USF2: variants seen among roughly 807,000 people sequenced by gnomAD.
The protein encoded by USF2 is upstream stimulatory factor 2.
Under a neutral mutation model 46.9 loss-of-function variants are expected in USF2, and 16 were observed. The ratio of observed to expected loss-of-function variants is 0.34; its 90% confidence interval spans 0.23 to 0.52. The LOEUF (loss-of-function observed/expected upper bound fraction) is 0.52, where lower values mean the gene tolerates loss of function less well. Among genes scored for constraint, USF2 ranks in the 20% least tolerant of loss-of-function variants. USF2 has a pLI of 0.96. For synonymous variants in USF2, 239 were observed against 194.1 expected (o/e 1.23, Z -1.92); for missense variants, 411 against 474.0 (o/e 0.87, Z 1.23).
intron 4 of USF2, 170 bp downstream of exon 4, chr19:35,270,173 A>G (rs1242354049): frequency 2.1e-6 from 2 of 973,884 alleles, no homozygotes; most frequent in Admixed American, 3.3e-5. Flanking sequence ...ACCTGGGGAC[A>G]GTGCTCTTGG....
chr19:35,270,614 A>C lies in USF2; in HGVS notation c.580+17A>C. On this transcript the variant is annotated intron_variant, in intron 5 of 9. Coordinates refer to ENST00000222305, the MANE Select transcript of USF2 (RefSeq NM_003367.4). ...AGGCTGGAGGTGAGGAGTAGAAGTC[A>C]GATTGGCAGGTGGGGGAGGCAACGG... is the stretch of plus-strand genomic sequence containing the variant. 1 of 1,612,398 alleles carries C rather than the reference A, an allele frequency of 6.2e-7. No individual in the cohort carries two copies. The highest frequency in any genetic ancestry group is 1.7e-5 in the Admixed American group (1 of 59,992).
Position 35,278,986 on chromosome 19 carries a change from G to A in USF2, c.863G>A (p.Arg288Gln), listed in dbSNP as rs753231177. 2.6e-6 allele frequency: 4 copies of A among 1,558,582 alleles called. No homozygotes were observed. Among genetic ancestry groups the A allele is most frequent in the Non-Finnish European group, 3.5e-6 (4 of 1,151,268 alleles). The change falls in exon 9 of 10, where the codon CGG (arginine) becomes CAG (glutamine). Residue 288 changes from arginine (R) to glutamine (Q), a missense_variant. Transcript: ENST00000222305. ...CTGTCCAAGGCCTGCGATTACATCCGGGAGTTGCGCCAGACCAACCAGCGC... is the reference window on the plus strand; with the variant it reads ...CTGTCCAAGGCCTGCGATTACATCCAGGAGTTGCGCCAGACCAACCAGCGC... ...GILSKACDYIRELRQTNQRMQ... is the reference protein window; with the variant it reads ...GILSKACDYIQELRQTNQRMQ...
At position 35,269,701 on chromosome 19, in the gene USF2, TG is replaced by T; in HGVS notation, c.228+3del. On this transcript the variant is annotated splice_donor_region_variant and intron_variant, in intron 3 of 9. Coordinates refer to ENST00000222305, the MANE Select transcript of USF2 (RefSeq NM_003367.4). The stretch of plus-strand genomic sequence containing the variant: ...CGCACAGAGACAAATGGAGGACAGG[TG>T]AGCGGCGGGCCGCGAGGGCGAACGG... The T allele has an allele frequency of 1.5e-6, 1 of 678,618 alleles. No homozygotes were observed. Among genetic ancestry groups the T allele is most frequent in the Non-Finnish European group, 1.9e-6 (1 of 513,502 alleles). 42.0% of individuals were successfully genotyped at this position (678,618 alleles called of 1,614,324 possible).
At chr19:35,278,479 A>T (rs769659005) in intron 7 of USF2, 1 of 528,520 alleles carries the variant, frequency 1.9e-6, no homozygotes, top group Non-Finnish European at 3.4e-6. Context: ...TCCTAAAAGC[A>T]TGTGTGGCAC....
At chr19:35,270,974 C>A in intron 6 of USF2, 109 bp from the exon 7 acceptor site, 1 of 1,495,692 alleles carries the variant, frequency 6.7e-7, no homozygotes. Flanking sequence ...TTTGTTTTTG[C>A]AGATGGATTT....
At position 35,271,284 on chromosome 19, in the gene USF2, G is replaced by A. The variant is rs1320204777; in HGVS notation, c.727+143G>A. 8.7e-6 allele frequency: 8 copies of A among 917,128 alleles called. No individual in the cohort carries two copies. In the Admixed American group the frequency reaches 1.5e-4, roughly 18 times the overall value. The allele number at this position is 917,128 out of a possible 1,614,324, so 56.8% of individuals were successfully genotyped here. On this transcript the variant is annotated intron_variant, in intron 7 of 9. Coordinates refer to ENST00000222305, the MANE Select transcript of USF2 (RefSeq NM_003367.4). ...GAGGGCTTTGCTGGACGCTGTAAAG[G>A]TAGAAAGTGAGCAACGAGGGGAGAG...
intron 7 of USF2, among the ~76,000 whole-genome samples, chr19:35,272,911 G>C (rs1015742446): frequency 6.6e-6 from 1 of 151,934 alleles, no homozygotes; most frequent in East Asian, 1.9e-4. Flanking sequence ...CTGTGGTGGG[G>C]CGTCAGGGTG....
intron 7 of USF2, among the ~76,000 whole-genome samples, chr19:35,271,760 T>A (rs1369740834): frequency 6.6e-6 from 1 of 152,176 alleles, no homozygotes; most frequent in East Asian, 1.9e-4. Flanking sequence ...CAAACAACCA[T>A]CATTCAACAA....
At chr19:35,272,170 C>G (rs980915193) in intron 7 of USF2, among the ~76,000 whole-genome samples, 5 of 152,232 alleles carry the variant, frequency 3.3e-5, no homozygotes, top group Admixed American at 2.6e-4. Context: ...GACCAGCCCC[C>G]CTTTTGCGTC....
chr19:35,270,268 T>C, intron 4 of USF2, 179 bp from the exon 5 acceptor site: 1 of 1,008,730 alleles, frequency 9.9e-7, no homozygotes, highest in Non-Finnish European at 1.4e-6. Flanking sequence ...CAGCAAGTGA[T>C]CGCTGACCTC....
rs748740602 is a variant in USF2 at position 35,270,495 on chromosome 19, G to A, written c.478G>A (p.Ala160Thr). The change falls in exon 5 of 10, where the codon GCT becomes ACT. Residue 160 changes from alanine to threonine, a missense_variant. This residue lies in a region of USF2 where 318 missense variants were observed against 322.4 expected (regional missense o/e 0.99). Coordinates refer to ENST00000222305, the MANE Select transcript of USF2 (RefSeq NM_003367.4). ...FSNGGSPAAEAVSGEARFAYF... is the reference protein window; with the variant it reads ...FSNGGSPAAETVSGEARFAYF... The stretch of plus-strand genomic sequence containing the variant: ...CAATGGTGGCAGTCCGGCGGCCGAG[G>A]CTGTCAGCGGGGAGGCACGATTTGC... 43 of 1,614,020 alleles carry A rather than the reference G, an allele frequency of 2.7e-5. No individual in the cohort carries two copies. In the Admixed American group the frequency reaches 3.8e-4, roughly 14 times the overall value.
chr19:35,269,340 C>G, intron 1 of USF2, 106 bp from the exon 2 acceptor site: 3 of 989,116 alleles, frequency 3.0e-6, no homozygotes, highest in South Asian at 4.6e-5. Flanking sequence ...GCGGCGCCCC[C>G]GGCCTCAGGC....
At chr19:35,274,187 C>T (rs2066199801) in intron 7 of USF2, among the ~76,000 whole-genome samples, 1 of 152,210 alleles carries the variant, frequency 6.6e-6, no homozygotes, top group Non-Finnish European at 1.5e-5. Flanking sequence ...TCAACTCGCC[C>T]AAAAGAGAAT....
At chr19:35,278,396 C>T (rs539074912) in intron 7 of USF2, 4 of 328,200 alleles carry the variant, frequency 1.2e-5, no homozygotes, top group East Asian at 5.9e-5. Flanking sequence ...TTTTAACTGT[C>T]GATTAAAATT....
chr19:35,272,195 T>C (rs941052044), intron 7 of USF2, among the ~76,000 whole-genome samples: 5 of 152,106 alleles, frequency 3.3e-5, no homozygotes, highest in Non-Finnish European at 5.9e-5. Context: ...GATATGGCAA[T>C]GCAGCAGATG....
At position 35,270,464 on chromosome 19, in the gene USF2, C is replaced by A. The variant is rs755758623; in HGVS notation, c.447C>A (p.Pro149=). ...CTCCCCAGGCTGTGATCCAAAATCC[C>A]TTCAGCAATGGTGGCAGTCCGGCGG... ...APFPLAVIQN[P]FSNGGSPAAE... is the part of the protein sequence containing the mutation. The change falls in exon 5 of 10, where the codon CCC becomes CCA. Residue 149 remains proline (P), a synonymous_variant. Coordinates refer to ENST00000222305, the MANE Select transcript of USF2 (RefSeq NM_003367.4). 1.2e-6 allele frequency: 2 copies of A among 1,613,480 alleles called. No homozygotes were observed. The highest frequency in any genetic ancestry group is 1.7e-6 in the Non-Finnish European group (2 of 1,179,850).
chr19:35,270,943 T>G, intron 6 of USF2, 138 bp downstream of exon 6: 4 of 1,415,666 alleles, frequency 2.8e-6, no homozygotes, highest in Admixed American at 1.9e-5. Flanking sequence ...GCTGCTCTAG[T>G]GCACATAAAG....
chr19:35,279,039 C>T lies in USF2; in HGVS notation c.916C>T (p.Arg306Trp). ...RMQETFKEAE[R>W]LQMDNELLRQ... is the part of the protein sequence containing the mutation. ...GCAGGAGACCTTCAAAGAGGCCGAG[C>T]GGCTGCAGATGGACAACGAGCTCCT... Residue 306 changes from arginine (R) to tryptophan (W), a missense_variant, in exon 9 of 10, where the codon CGG becomes TGG. Arg to Trp is a moderately radical substitution (Grantham distance 101, BLOSUM62 -3). Around this residue, in one of 2 missense-constraint regions of USF2, gnomAD observed 93 missense variants for 151.6 expected, o/e 0.61. Transcript: ENST00000222305. 6.3e-7 allele frequency: 1 copy of T among 1,594,722 alleles called. No individual in the cohort carries two copies.
At position 35,270,289 on chromosome 19, in the gene USF2, C is replaced by G. The variant is rs565520878; in HGVS notation, c.430-158C>G. 6.0e-6 allele frequency: 7 copies of G among 1,164,568 alleles called. No homozygotes were observed. In the African/African-American group the frequency reaches 7.8e-5, roughly 13 times the overall value. 72.1% of individuals were successfully genotyped at this position (1,164,568 alleles called of 1,614,324 possible). On this transcript the variant is annotated intron_variant, in intron 4 of 9. Transcript: ENST00000222305. ...GTGATCGCTGACCTCCCGCCATGTTCCAGGGCTGTTTGAAACACAGGACAG... is the reference window on the plus strand; with the variant it reads ...GTGATCGCTGACCTCCCGCCATGTTGCAGGGCTGTTTGAAACACAGGACAG...
Sources: gnomAD v4.1 joint callset for allele counts (sites outside exome capture counted in the v4.1 genomes callset) on GRCh38, gnomAD v4.1.1 for gene constraint, gnomAD v4.1.1 regional missense constraint, MANE v1.5 for transcripts, NCBI Gene and HGNC (gene_info 2026-07-23, HGNC 2026-07-21) for gene names.